DCC: variants seen among roughly 807,000 people sequenced by gnomAD.
DCC encodes the protein DCC netrin 1 receptor.
Under a neutral mutation model 172.5 loss-of-function variants are expected in DCC, and 58 were observed. The observed-to-expected ratio is 0.34, with a 90% CI of 0.27 to 0.42. The LOEUF is 0.42. Among genes scored for constraint, DCC ranks in the 10% least tolerant of loss-of-function variants. DCC has a pLI of 1.00. For missense variants in DCC, 1,740 were observed against 1,791.0 expected, an observed-to-expected ratio of 0.97 and a Z score of 0.51; for synonymous variants, 709 against 644.5, an observed-to-expected ratio of 1.10 and a Z score of -1.52.
At chr18:53,475,214 C>G (rs2045747575) in intron 25 of DCC, among the ~76,000 whole-genome samples, 1 of 152,150 alleles carries the variant, frequency 6.6e-6, no homozygotes, top group Non-Finnish European at 1.5e-5. Flanking sequence ...AAATTTGCCC[C>G]CTGACAATAC....
At chr18:53,049,341 C>T (rs2144032567) in intron 5 of DCC, among the ~76,000 whole-genome samples, 1 of 151,980 alleles carries the variant, frequency 6.6e-6, no homozygotes, top group South Asian at 2.1e-4. Flanking sequence ...GTCTTTAATC[C>T]ATCTTGAGTT....
Position 53,427,883 on chromosome 18 carries a change from T to C in DCC, c.3164-7261T>C, listed in dbSNP as rs60503134. On this transcript the variant is annotated intron_variant, in intron 21 of 28. Coordinates refer to ENST00000442544, the MANE Select transcript of DCC (RefSeq NM_005215.4). ...TATATAATATATAAATATATACATA[T>C]ATAATATAATAAATTATATATAATA... Among the ~76,000 whole-genome samples, 58 of 40,804 alleles carry C rather than the reference T, an allele frequency of 1.4e-3. 1 individual carries two copies. The highest frequency in any genetic ancestry group is 3.7e-3 in the Non-Finnish European group (45 of 12,058). 26.8% of individuals were successfully genotyped at this position (40,804 alleles called of 152,430 possible).
intron 5 of DCC, among the ~76,000 whole-genome samples, chr18:52,988,528 G>A (rs958201495): frequency 6.6e-6 from 1 of 151,922 alleles, no homozygotes; most frequent in Admixed American, 6.6e-5. Context: ...CTCTTATTCA[G>A]TTTTCTATTG....
chr18:52,779,307 G>A (rs891471943), intron 2 of DCC, among the ~76,000 whole-genome samples: 1 of 151,900 alleles, frequency 6.6e-6, no homozygotes, highest in Non-Finnish European at 1.5e-5. Flanking sequence ...CTCCCCAAGT[G>A]GCGCATACCC....
At chr18:52,413,180 G>A (rs556993659) in intron 1 of DCC, among the ~76,000 whole-genome samples, 10 of 151,358 alleles carry the variant, frequency 6.6e-5, no homozygotes, top group African/African-American at 1.9e-4. Flanking sequence ...TTACCCAGAT[G>A]ATTAGTAAGA....
At chr18:52,429,147 AT>A (rs1987538557) in intron 1 of DCC, among the ~76,000 whole-genome samples, 1 of 152,078 alleles carries the variant, frequency 6.6e-6, no homozygotes. Context: ...AGGCCCATTT[AT>A]TGAGTGTCTG....
At chr18:52,765,577 C>T (rs117935189) in intron 2 of DCC, among the ~76,000 whole-genome samples, 5,203 of 152,234 alleles carry the variant, frequency 0.034, 129 homozygotes, top group Admixed American at 0.048. Flanking sequence ...TTGTGCTCAC[C>T]GTAATCTATC....
At chr18:52,459,561 G>A (rs987172181) in intron 1 of DCC, among the ~76,000 whole-genome samples, 9 of 152,008 alleles carry the variant, frequency 5.9e-5, no homozygotes, top group Non-Finnish European at 8.8e-5. Flanking sequence ...TCTGCCTCCC[G>A]GGTTCATGCC....
intron 25 of DCC, among the ~76,000 whole-genome samples, 171 bp from the exon 26 acceptor site, chr18:53,486,626 C>CT (rs2045903049): frequency 6.6e-6 from 1 of 152,104 alleles, no homozygotes. Flanking sequence ...GATGAGCTGT[C>CT]TTTTCTAAAG....
intron 1 of DCC, among the ~76,000 whole-genome samples, chr18:52,658,137 A>G (rs1052853195): frequency 2.6e-5 from 4 of 152,218 alleles, no homozygotes; most frequent in Non-Finnish European, 5.9e-5. Flanking sequence ...ATTATCTATC[A>G]CAAATGAAGG....
rs367878159 is a variant in DCC at position 53,416,113 on chromosome 18, T to C, written c.3131-11T>C. On this transcript the variant is annotated splice_polypyrimidine_tract_variant and intron_variant, in intron 20 of 28. Coordinates refer to ENST00000442544, the MANE Select transcript of DCC (RefSeq NM_005215.4). ...CAAAGTCTAATAATGTTATTTCTTT[T>C]TCCCCCGCAGTGGAACACCCTGACA... 12 of 1,603,946 alleles carry C rather than the reference T, an allele frequency of 7.5e-6. No homozygotes were observed. The East Asian group carries it at 1.3e-4, about 18-fold the overall frequency.
chr18:53,021,880 G>A (rs1055146757), intron 5 of DCC, among the ~76,000 whole-genome samples: 4 of 152,126 alleles, frequency 2.6e-5, no homozygotes, highest in African/African-American at 9.7e-5. Context: ...GCTGCATTTG[G>A]TTTTATTTGG....
At chr18:53,298,383 G>A (rs7407520) in intron 12 of DCC, among the ~76,000 whole-genome samples, 136,782 of 151,762 alleles carry the variant, frequency 0.9, 61,717 homozygotes, top group Admixed American at 0.93. Flanking sequence ...AAAAAATACA[G>A]AAAGTATTTA....
chr18:53,014,904 CCATTT>C (rs1361011219), intron 5 of DCC, among the ~76,000 whole-genome samples: 1 of 152,076 alleles, frequency 6.6e-6, no homozygotes, highest in African/African-American at 2.4e-5. Flanking sequence ...ATTGACATCT[CCATTT>C]AATTTAATTC....
intron 15 of DCC, among the ~76,000 whole-genome samples, chr18:53,378,723 G>A (rs547273093): frequency 7.2e-5 from 11 of 152,132 alleles, no homozygotes; most frequent in Middle Eastern, 3.4e-3. Context: ...TTTTCTTCCC[G>A]GTAATACACT....
chr18:52,803,596 C>T (rs567469893), intron 2 of DCC, among the ~76,000 whole-genome samples: 175 of 152,150 alleles, frequency 1.2e-3, no homozygotes, highest in Non-Finnish European at 2.3e-3. Context: ...CTTAGTTTTA[C>T]TTTATATTTA....
At chr18:53,274,639 TAAG>T (rs534920748) in intron 12 of DCC, among the ~76,000 whole-genome samples, 50 of 152,100 alleles carry the variant, frequency 3.3e-4, no homozygotes, top group Non-Finnish European at 6.9e-4. Context: ...TTCAGGGAAA[TAAG>T]GAGGAATTCG....
intron 3 of DCC, among the ~76,000 whole-genome samples, chr18:52,920,491 A>G (rs978056465): frequency 2.0e-5 from 3 of 152,138 alleles, no homozygotes; most frequent in Admixed American, 2.0e-4. Context: ...CATCTATTAT[A>G]TACCATTACA....
In DCC at chr18:52,956,602, C is replaced by G. The variant is rs1336112225; in HGVS notation, c.985+31232C>G. On this transcript the variant is annotated intron_variant, in intron 5 of 28. Transcript: ENST00000442544. ...TGGGTCTTTTGCCTTTCCATATAAA[C>G]TTTAGACTAAGTTTGTTGATAGCCA... Among the ~76,000 whole-genome samples, 3 of 151,924 alleles carry G rather than the reference C, an allele frequency of 2.0e-5. No homozygotes were observed. The East Asian group carries it at 5.8e-4, about 29-fold the overall frequency.
Sources: allele counts gnomAD v4.1 joint callset (sites outside exome capture counted in the v4.1 genomes callset), GRCh38; gene constraint gnomAD v4.1.1; transcripts MANE v1.5; gene names NCBI Gene and HGNC (gene_info 2026-07-23, HGNC 2026-07-21).